The following MRTFA variants were observed in gnomAD, a reference collection of about 807,000 sequenced individuals.
MRTFA encodes the protein myocardin-related transcription factor A.
In MRTFA, 20 loss-of-function variants were observed where a neutral mutation model predicts 83.5. The ratio of observed to expected loss-of-function variants is 0.24; its 90% CI spans 0.17 to 0.35. The LOEUF (loss-of-function observed/expected upper bound fraction) is 0.35. Among genes scored for constraint, MRTFA ranks in the 10% least tolerant of loss-of-function variants. MRTFA has a pLI of 1.00. For missense variants in MRTFA, 1,200 were observed against 1,224.7 expected (o/e 0.98, Z 0.30); for synonymous variants, 659 against 541.2 (o/e 1.22, Z -3.02).
chr22:40,578,844 G>T (rs13058410), intron 2 of MRTFA, among the ~76,000 whole-genome samples: 1 of 152,136 alleles, frequency 6.6e-6, no homozygotes, highest in African/African-American at 2.4e-5. Flanking sequence ...GATCACTTGA[G>T]CCCAGGAAGT....
chr22:40,500,433 T>C lies in MRTFA; in HGVS notation c.242-37147A>G, dbSNP rs558329305. Among the ~76,000 whole-genome samples, 17 of 149,368 alleles carry C rather than the reference T, an allele frequency of 1.1e-4. No homozygotes were observed. In the South Asian group the frequency reaches 3.6e-3, roughly 32 times the overall value. ...TTTTTATTGATAATTCTTGGGTGTT[T>C]CTCACAGAGGGGGATTTGGCAGGGT... On this transcript the variant is annotated intron_variant, in intron 3 of 14. Transcript: ENST00000355630.
chr22:40,588,060 G>A (rs911702126), intron 2 of MRTFA: 13 of 162,600 alleles, frequency 8.0e-5, no homozygotes, highest in East Asian at 1.7e-4. Flanking sequence ...ACAGAGTCTC[G>A]CTCTGTCGCC....
chr22:40,451,551 CAA>C (rs2147129190), intron 4 of MRTFA, among the ~76,000 whole-genome samples: 1 of 152,276 alleles, frequency 6.6e-6, no homozygotes, highest in South Asian at 2.1e-4. Flanking sequence ...TTTTCCTTCC[CAA>C]GAGTGCAAAC....
chr22:40,567,835 C>G (rs2055728463), intron 2 of MRTFA, among the ~76,000 whole-genome samples: 1 of 152,112 alleles, frequency 6.6e-6, no homozygotes, highest in Non-Finnish European at 1.5e-5. Flanking sequence ...ATTTGAAGAA[C>G]AGCCCTATTT....
chr22:40,538,985 C>CTTTTTTTT lies in MRTFA; in HGVS notation c.241+13120_241+13121insAAAAAAAA, dbSNP rs201694198. On this transcript the variant is annotated intron_variant, in intron 3 of 14. Transcript: ENST00000355630. Reference sequence around the variant, plus strand: ...GACATTATACTGCAGGATACACAGCCTTTTGTTTTTTTTTTTTTTTTTTTT... The same window carrying CTTTTTTTT: ...GACATTATACTGCAGGATACACAGCCTTTTTTTTTTTTGTTTTTTTTTTTTTTTTTTTT... Among the ~76,000 whole-genome samples, 5 of 106,886 alleles carry CTTTTTTTT rather than the reference C, an allele frequency of 4.7e-5. 2 individuals are homozygous for CTTTTTTTT. The highest frequency in any genetic ancestry group is 5.4e-5 in the Non-Finnish European group (3 of 55,566). The allele number at this position is 106,886 out of a possible 152,430, so 70.1% of individuals were successfully genotyped here. A position where few individuals can be genotyped will look rare whatever the true frequency, so the allele number is the denominator to read the frequency against.
At chr22:40,545,882 C>T (rs938623078) in intron 3 of MRTFA, among the ~76,000 whole-genome samples, 17 of 150,622 alleles carry the variant, frequency 1.1e-4, no homozygotes, top group African/African-American at 3.7e-4. Context: ...TACAGGCACC[C>T]GCCATCACGC....
intron 2 of MRTFA, among the ~76,000 whole-genome samples, chr22:40,593,792 C>T (rs2056153577): frequency 6.6e-6 from 1 of 152,112 alleles, no homozygotes; most frequent in Admixed American, 6.6e-5. Flanking sequence ...TGACATCAAC[C>T]CATAGAACCC....
intron 3 of MRTFA, among the ~76,000 whole-genome samples, chr22:40,532,643 G>A (rs1045433019): frequency 4.6e-5 from 7 of 152,174 alleles, no homozygotes; most frequent in Non-Finnish European, 1.0e-4. Flanking sequence ...TAACCAGATA[G>A]CATCTGATCC....
intron 1 of MRTFA, among the ~76,000 whole-genome samples, chr22:40,629,167 G>T (rs1448880768): frequency 6.6e-6 from 1 of 151,894 alleles, no homozygotes; most frequent in African/African-American, 2.4e-5. Flanking sequence ...GCAGAGGCTG[G>T]GCGCGGTGGC....
At chr22:40,578,914 C>T (rs931153174) in intron 2 of MRTFA, among the ~76,000 whole-genome samples, 9 of 152,026 alleles carry the variant, frequency 5.9e-5, no homozygotes, top group African/African-American at 2.2e-4. Flanking sequence ...GAGTGAGACC[C>T]TGTCTCAAAA....
chr22:40,463,083 A>C (rs1457310382), intron 4 of MRTFA, 138 bp downstream of exon 4: 1 of 750,048 alleles, frequency 1.3e-6, no homozygotes, highest in East Asian at 2.5e-5. Flanking sequence ...CTAAACTTGG[A>C]AAGTCATGAG....
At chr22:40,508,468 T>C (rs2054615216) in intron 3 of MRTFA, among the ~76,000 whole-genome samples, 1 of 129,162 alleles carries the variant, frequency 7.7e-6, no homozygotes, top group Non-Finnish European at 1.5e-5. Context: ...GCTGAGATCA[T>C]GCCAGTGCAC....
At chr22:40,455,156 A>G (rs1444485481) in intron 4 of MRTFA, among the ~76,000 whole-genome samples, 2 of 152,212 alleles carry the variant, frequency 1.3e-5, no homozygotes, top group East Asian at 1.9e-4. Context: ...TTTAATTAGA[A>G]TAGCCACATG....
intron 3 of MRTFA, among the ~76,000 whole-genome samples, chr22:40,530,535 G>A (rs1189159147): frequency 2.0e-5 from 3 of 152,228 alleles, no homozygotes; most frequent in Non-Finnish European, 1.5e-5. Flanking sequence ...GACCTCAAAT[G>A]ATCCACCTGC....
chr22:40,554,779 T>C (rs1306273240), intron 2 of MRTFA, among the ~76,000 whole-genome samples: 1 of 152,232 alleles, frequency 6.6e-6, no homozygotes, highest in East Asian at 1.9e-4. Context: ...TAAAGTAAAC[T>C]AGCACCCACT....
At chr22:40,442,359 C>T (rs1259859629) in intron 4 of MRTFA, among the ~76,000 whole-genome samples, 1 of 152,228 alleles carries the variant, frequency 6.6e-6, no homozygotes, top group Non-Finnish European at 1.5e-5. Context: ...TGGAGTGCCA[C>T]AGTCCAAGCA....
intron 3 of MRTFA, among the ~76,000 whole-genome samples, chr22:40,547,576 G>C (rs2147305369): frequency 6.6e-6 from 1 of 152,246 alleles, no homozygotes; most frequent in Non-Finnish European, 1.5e-5. Flanking sequence ...AGAGAGGCTG[G>C]GCATGGTGGC....
intron 4 of MRTFA, among the ~76,000 whole-genome samples, chr22:40,437,546 G>A (rs2053194617): frequency 1.3e-5 from 2 of 152,100 alleles, no homozygotes; most frequent in Non-Finnish European, 2.9e-5. Flanking sequence ...CAGATCATGA[G>A]GTAAGGAGTT....
At chr22:40,619,535 G>C (rs189004342) in intron 1 of MRTFA, among the ~76,000 whole-genome samples, 1 of 152,212 alleles carries the variant, frequency 6.6e-6, no homozygotes, top group Non-Finnish European at 1.5e-5. Flanking sequence ...GGTACAGCCT[G>C]GTTTCTTCTT....
Sources: allele counts gnomAD v4.1 joint callset (sites outside exome capture counted in the v4.1 genomes callset), GRCh38; gene constraint gnomAD v4.1.1; transcripts MANE v1.5; gene names NCBI Gene and HGNC (gene_info 2026-07-23, HGNC 2026-07-21).